Variants in PFDN1 observed in about 807,000 individuals in gnomAD.
The protein encoded by PFDN1 is prefoldin 1.
Under a neutral mutation model 17.3 loss-of-function variants are expected in PFDN1, and 6 were observed. That is an observed-to-expected ratio of 0.35 (90% CI 0.19 to 0.69). The LOEUF is 0.69. Among genes scored for constraint, PFDN1 ranks in the 30% least tolerant of loss-of-function variants. The pLI, the probability that PFDN1 is intolerant of heterozygous loss-of-function variation, is 0.65. For synonymous variants in PFDN1, 58 were observed against 50.1 expected, an observed-to-expected ratio of 1.16 and a Z score of -0.67; for missense variants, 113 against 146.2, an observed-to-expected ratio of 0.77 and a Z score of 1.17.
At chr5:140,278,570 A>C (rs1440878240) in intron 3 of PFDN1, among the ~76,000 whole-genome samples, 2 of 150,080 alleles carry the variant, frequency 1.3e-5, no homozygotes, top group African/African-American at 2.4e-5. Context: ...AAAAAAAAAA[A>C]AAAAAAAAAA....
At position 140,281,293 on chromosome 5, in the gene PFDN1, T is replaced by C. The variant is rs558021534; in HGVS notation, c.285+156A>G. The C allele has an allele frequency of 1.4e-5, 8 of 552,510 alleles. No individual in the cohort carries two copies. In the South Asian group the frequency reaches 1.8e-4, roughly 13 times the overall value. 34.2% of individuals were successfully genotyped at this position (552,510 alleles called of 1,614,324 possible). A position where few individuals can be genotyped will look rare whatever the true frequency, so the allele number is the denominator to read the frequency against. On this transcript the variant is annotated intron_variant, in intron 3 of 3. Transcript: ENST00000261813. ...GTTTTGGTCTTATATGCGCTATGAA[T>C]ATGAATATGACAGCTTCACGGCTCC...
chr5:140,249,418 G>A (rs935369675), intron 3 of PFDN1, among the ~76,000 whole-genome samples: 7 of 152,200 alleles, frequency 4.6e-5, no homozygotes, highest in Non-Finnish European at 8.8e-5. Flanking sequence ...ATTATTTGGG[G>A]ATAAGTATGA....
At chr5:140,288,988 A>AAATAAT (rs1172510135) in intron 2 of PFDN1, among the ~76,000 whole-genome samples, 1 of 152,024 alleles carries the variant, frequency 6.6e-6, no homozygotes, top group African/African-American at 2.4e-5. Flanking sequence ...CTGTCTCAAA[A>AAATAAT]AATAATAATA....
intron 3 of PFDN1, among the ~76,000 whole-genome samples, chr5:140,264,991 C>T (rs773378676): frequency 6.6e-6 from 1 of 152,124 alleles, no homozygotes. Context: ...GTTCAAAACT[C>T]GCAGGCATCT....
chr5:140,293,302 C>A (rs1765605966), intron 2 of PFDN1: 1 of 150,064 alleles, frequency 6.7e-6, no homozygotes, highest in Non-Finnish European at 1.5e-5. Flanking sequence ...TTGTTTAATC[C>A]TTTGTCAGTT....
chr5:140,290,482 G>C (rs986421679), intron 2 of PFDN1, among the ~76,000 whole-genome samples: 1 of 152,112 alleles, frequency 6.6e-6, no homozygotes, highest in East Asian at 1.9e-4. Context: ...CCCAGCATAC[G>C]GCCCCTGAGG....
intron 3 of PFDN1, among the ~76,000 whole-genome samples, chr5:140,274,648 A>G (rs1290540962): frequency 6.6e-6 from 1 of 152,188 alleles, no homozygotes; most frequent in Non-Finnish European, 1.5e-5. Flanking sequence ...TCTGTTATGA[A>G]AATACTTCCC....
intron 2 of PFDN1, among the ~76,000 whole-genome samples, chr5:140,291,964 A>T (rs547194619): frequency 6.6e-6 from 1 of 152,350 alleles, no homozygotes; most frequent in East Asian, 1.9e-4. Flanking sequence ...TCCTTGTTCT[A>T]GTAGAGTAAC....
intron 2 of PFDN1, among the ~76,000 whole-genome samples, chr5:140,296,390 C>T (rs1765653850): frequency 1.3e-5 from 2 of 152,136 alleles, no homozygotes; most frequent in South Asian, 4.1e-4. Context: ...TCTCCCAGAG[C>T]TGACAATCTG....
intron 3 of PFDN1, among the ~76,000 whole-genome samples, chr5:140,280,102 A>T: frequency 6.6e-6 from 1 of 151,910 alleles, no homozygotes; most frequent in Admixed American, 6.6e-5. Context: ...GGTAAACAGT[A>T]TTAACAATTT....
In PFDN1 at chr5:140,267,123, T is replaced by C. The variant is rs984993536; in HGVS notation, c.285+14326A>G. Among the ~76,000 whole-genome samples, 12 of 152,318 alleles carry C rather than the reference T, an allele frequency of 7.9e-5. No homozygotes were observed. The East Asian group carries it at 2.3e-3, about 29-fold the overall frequency. ...GAATCACACATGCTGCGGTGTAGGTTACAGTTACATGCAGGTGCACTGGAA... is the reference window on the plus strand; with the variant it reads ...GAATCACACATGCTGCGGTGTAGGTCACAGTTACATGCAGGTGCACTGGAA... On this transcript the variant is annotated intron_variant, in intron 3 of 3. Coordinates refer to ENST00000261813, the MANE Select transcript of PFDN1 (RefSeq NM_002622.5).
chr5:140,283,264 G>A (rs933914642), intron 2 of PFDN1, among the ~76,000 whole-genome samples: 2 of 151,672 alleles, frequency 1.3e-5, no homozygotes, highest in Non-Finnish European at 2.9e-5. Context: ...ACGGAGTCTC[G>A]CTCTGTTGCC....
intron 3 of PFDN1, among the ~76,000 whole-genome samples, chr5:140,257,172 G>A (rs1311312788): frequency 4.0e-5 from 6 of 150,018 alleles, no homozygotes; most frequent in Middle Eastern, 3.4e-3. Flanking sequence ...GCAGTGAGCC[G>A]AGATCACGCC....
At chr5:140,256,823 A>G (rs763265230) in intron 3 of PFDN1, among the ~76,000 whole-genome samples, 17 of 151,780 alleles carry the variant, frequency 1.1e-4, no homozygotes, top group South Asian at 6.2e-4. Context: ...TCTTCTTTCT[A>G]TCTAGCACCA....
chr5:140,263,329 T>C (rs916442153), intron 3 of PFDN1, among the ~76,000 whole-genome samples: 2 of 152,214 alleles, frequency 1.3e-5, no homozygotes, highest in African/African-American at 4.8e-5. Context: ...AGTTCATCTA[T>C]CTGTATGCCT....
intron 3 of PFDN1, among the ~76,000 whole-genome samples, chr5:140,258,349 AC>A (rs1204060107): frequency 6.8e-6 from 1 of 146,382 alleles, no homozygotes; most frequent in Non-Finnish European, 1.5e-5. Flanking sequence ...GGCAGCCAAA[AC>A]CCCCCTGAGC....
intron 3 of PFDN1, among the ~76,000 whole-genome samples, chr5:140,279,681 T>C (rs2126691831): frequency 6.6e-6 from 1 of 152,128 alleles, no homozygotes; most frequent in Non-Finnish European, 1.5e-5. Flanking sequence ...GTATACTTGT[T>C]ATAATTTATT....
chr5:140,277,684 C>T (rs144814643), intron 3 of PFDN1, among the ~76,000 whole-genome samples: 432 of 149,810 alleles, frequency 2.9e-3, no homozygotes, highest in African/African-American at 1.0e-2. Flanking sequence ...GCTGAGATCA[C>T]CCAACTACAA....
At chr5:140,298,758 CTT>C (rs919204762) in intron 2 of PFDN1, among the ~76,000 whole-genome samples, 6 of 145,230 alleles carry the variant, frequency 4.1e-5, no homozygotes, top group East Asian at 2.0e-4. Flanking sequence ...GTATTTTTTA[CTT>C]TTTTTTTTTT....
Sources: allele counts gnomAD v4.1 joint callset (sites outside exome capture counted in the v4.1 genomes callset), GRCh38; gene constraint gnomAD v4.1.1; transcripts MANE v1.5; gene names NCBI Gene and HGNC (gene_info 2026-07-23, HGNC 2026-07-21).